HECTD4: variants seen among roughly 807,000 people sequenced by gnomAD.
The protein encoded by HECTD4 is HECT domain E3 ubiquitin protein ligase 4, also known as probable E3 ubiquitin-protein ligase HECTD4.
A neutral mutation model predicts 471.5 loss-of-function variants in HECTD4; 114 were observed. The ratio of observed to expected loss-of-function variants is 0.24; its 90% confidence interval spans 0.21 to 0.28. HECTD4 has a LOEUF of 0.28. Among genes scored for constraint, HECTD4 ranks in the 10% least tolerant of loss-of-function variants. HECTD4 has a pLI of 1.00. For missense variants in HECTD4, 3,866 were observed against 5,651.5 expected, an observed-to-expected ratio of 0.68 and a Z score of 10.13; for synonymous variants, 2,012 against 2,256.0, an observed-to-expected ratio of 0.89 and a Z score of 3.07.
In HECTD4 at chr12:112,273,711, G is replaced by A; in HGVS notation, c.1886C>T (p.Ala629Val). The change falls in exon 11 of 76, where the codon GCC becomes GTC. Residue 629 changes from alanine (A) to valine (V), a missense_variant. Around this residue, in one of 16 missense-constraint regions of HECTD4, gnomAD observed 525 missense variants for 672.6 expected, o/e 0.78. Coordinates refer to ENST00000682272, the MANE Select transcript of HECTD4 (RefSeq NM_001388303.1). ...IDQWCNPGNQ[A>V]FHYVCQRLGV... ...AAGTCTCTGGCAGACATAATGGAAG[G>A]CTTGATTCCCAGGGTTACACCACTG... 1 of 1,613,912 alleles carries A rather than the reference G, an allele frequency of 6.2e-7. No individual in the cohort carries two copies. Among genetic ancestry groups the A allele is most frequent in the Non-Finnish European group, 8.5e-7 (1 of 1,179,810 alleles).
intron 21 of HECTD4, among the ~76,000 whole-genome samples, chr12:112,255,665 T>A (rs1650235448): frequency 6.6e-6 from 1 of 152,182 alleles, no homozygotes; most frequent in South Asian, 2.1e-4. Context: ...ACGAAGCTAT[T>A]AGATAATCCT....
intron 7 of HECTD4, among the ~76,000 whole-genome samples, chr12:112,294,191 A>T (rs1300985240): frequency 6.6e-6 from 1 of 152,148 alleles, no homozygotes; most frequent in Non-Finnish European, 1.5e-5. Context: ...TGTGCTGCTG[A>T]AGTGAGCACT....
At chr12:112,318,583 A>G (rs2035530076) in intron 2 of HECTD4, among the ~76,000 whole-genome samples, 1 of 152,154 alleles carries the variant, frequency 6.6e-6, no homozygotes, top group African/African-American at 2.4e-5. Flanking sequence ...CATGTTGGCC[A>G]GGGCAGTCTA....
chr12:112,256,703 CTTG>C, intron 20 of HECTD4, 185 bp from the exon 21 acceptor site: 2 of 399,454 alleles, frequency 5.0e-6, no homozygotes, highest in South Asian at 1.2e-4. Flanking sequence ...TTTTTCTTTC[CTTG>C]TTGTCAGATA....
At chr12:112,316,992 T>TA (rs1207337708) in intron 2 of HECTD4, among the ~76,000 whole-genome samples, 1 of 152,158 alleles carries the variant, frequency 6.6e-6, no homozygotes, top group Non-Finnish European at 1.5e-5. Flanking sequence ...GGGTACACAA[T>TA]AAAAATGTGA....
chr12:112,197,864 T>C (rs1032609509), intron 55 of HECTD4, among the ~76,000 whole-genome samples: 1 of 152,236 alleles, frequency 6.6e-6, no homozygotes, highest in African/African-American at 2.4e-5. Context: ...AGCATCTATT[T>C]TGAGTCTACA....
chr12:112,313,153 T>TG lies in HECTD4; in HGVS notation c.786-7dup, dbSNP rs1566108127. 1 of 1,531,738 alleles carries TG rather than the reference T, an allele frequency of 6.5e-7. No homozygotes were observed. Among genetic ancestry groups the TG allele is most frequent in the South Asian group, 1.2e-5 (1 of 83,642 alleles). The allele number at this position is 1,531,738 out of a possible 1,614,324, so 94.9% of individuals were successfully genotyped here. A position where few individuals can be genotyped will look rare whatever the true frequency, so the allele number is the denominator to read the frequency against. ...CCCCTTCCAAAAGCAACAGCCTATA[T>TG]GGGGGAGAAAGAAAATCACAAAGAC... On this transcript the variant is annotated splice_polypyrimidine_tract_variant and splice_region_variant and intron_variant, in intron 3 of 75. Transcript: ENST00000682272.
intron 1 of HECTD4, among the ~76,000 whole-genome samples, chr12:112,330,258 C>A (rs578080967): frequency 2.1e-5 from 3 of 145,426 alleles, no homozygotes; most frequent in Non-Finnish European, 3.0e-5. Flanking sequence ...GCCTGGGCAA[C>A]AGAGTGATAC....
At chr12:112,317,115 C>G (rs1449449350) in intron 2 of HECTD4, among the ~76,000 whole-genome samples, 2 of 152,184 alleles carry the variant, frequency 1.3e-5, no homozygotes, top group Non-Finnish European at 2.9e-5. Context: ...CACATTTTCT[C>G]AAATGGAATT....
Position 112,250,232 on chromosome 12 carries a change from G to A in HECTD4, c.3862C>T (p.Leu1288=), listed in dbSNP as rs1428750541. The stretch of plus-strand genomic sequence containing the variant: ...CCTGGAGGCAGTCTGATCCGAGGCA[G>A]ATCAAAGTAGTTTCCAACAGGAGGC... ...LVPPVGNYFD[L]PRIRLPPGIM... The change falls in exon 25 of 76, where the codon CTG becomes TTG. Residue 1288 remains leucine (L), a synonymous_variant. Transcript: ENST00000682272. The A allele has an allele frequency of 2.5e-6, 4 of 1,613,886 alleles. No homozygotes were observed. In the African/African-American group the frequency reaches 5.3e-5, roughly 22 times the overall value.
In HECTD4 at chr12:112,235,478, T is replaced by A. The variant is rs367800320; in HGVS notation, c.5725+26A>T. ...GCACAGGAATGCTGCACTGCCATGC[T>A]ACTCTCCTGTTGAGGAGCTTCTCAC... On this transcript the variant is annotated intron_variant, in intron 36 of 75. Coordinates refer to ENST00000682272, the MANE Select transcript of HECTD4 (RefSeq NM_001388303.1). The surrounding 1 kb of genome is among the most constrained non-coding windows in gnomAD (Gnocchi z 5.0). 130 of 1,584,162 alleles carry A rather than the reference T, an allele frequency of 8.2e-5. 1 individual carries two copies. Among genetic ancestry groups the A allele is most frequent in the Non-Finnish European group, 1.1e-4 (123 of 1,164,882 alleles).
At position 112,169,752 on chromosome 12, in the gene HECTD4, T is replaced by G. The variant is rs764180260; in HGVS notation, c.12053-94A>C. Reference sequence around the variant, plus strand: ...ACCCTGGGCCTAGCAGGCCTGTGCCTGTCCCTGGACCCCTGCTCCCTCGCT... The same window carrying G: ...ACCCTGGGCCTAGCAGGCCTGTGCCGGTCCCTGGACCCCTGCTCCCTCGCT... On this transcript the variant is annotated intron_variant, in intron 69 of 75. Coordinates refer to ENST00000682272, the MANE Select transcript of HECTD4 (RefSeq NM_001388303.1). 10 of 1,459,288 alleles carry G rather than the reference T, an allele frequency of 6.9e-6. No individual in the cohort carries two copies. In the African/African-American group the frequency reaches 1.4e-4, roughly 20 times the overall value. The allele number at this position is 1,459,288 out of a possible 1,614,324, so 90.4% of individuals were successfully genotyped here.
chr12:112,297,526 G>A (rs576616181), intron 7 of HECTD4, among the ~76,000 whole-genome samples: 1 of 152,098 alleles, frequency 6.6e-6, no homozygotes, highest in Admixed American at 6.5e-5. Context: ...AGTATTTGCT[G>A]ACTAGATATG....
chr12:112,229,572 A>G, intron 41 of HECTD4, 126 bp downstream of exon 41: 2 of 896,564 alleles, frequency 2.2e-6, no homozygotes, highest in Non-Finnish European at 3.5e-6. Context: ...TTCCTTATTT[A>G]GCTTGAAGAA....
intron 1 of HECTD4, among the ~76,000 whole-genome samples, chr12:112,367,870 G>A (rs4767730): frequency 1.8e-5 from 2 of 112,938 alleles, no homozygotes; most frequent in Non-Finnish European, 3.5e-5. Context: ...CATAGAGATA[G>A]AAGGTCCAGA....
chr12:112,334,858 C>T (rs1017658169), intron 1 of HECTD4, among the ~76,000 whole-genome samples: 2 of 149,308 alleles, frequency 1.3e-5, no homozygotes, highest in African/African-American at 2.5e-5. Context: ...AAATAATACA[C>T]GTTGGCATGG....
intron 1 of HECTD4, among the ~76,000 whole-genome samples, chr12:112,361,693 G>A (rs576942573): frequency 6.6e-6 from 1 of 152,232 alleles, no homozygotes; most frequent in East Asian, 1.9e-4. Context: ...TTAACCACTA[G>A]GCTCACTCTG....
chr12:112,302,599 G>GCCT (rs1379638133), intron 7 of HECTD4: 2 of 655,916 alleles, frequency 3.0e-6, no homozygotes, highest in African/African-American at 3.6e-5. Context: ...CACTTTCTTG[G>GCCT]CCTCCTGCTT....
chr12:112,186,306 CTTTT>C (rs34138419), intron 60 of HECTD4, among the ~76,000 whole-genome samples: 3 of 89,872 alleles, frequency 3.3e-5, no homozygotes, highest in Admixed American at 1.0e-4. Flanking sequence ...CTGGCATATT[CTTTT>C]TTTTTTTTTT....
Sources: allele counts gnomAD v4.1 joint callset (sites outside exome capture counted in the v4.1 genomes callset), GRCh38; gene constraint gnomAD v4.1.1; regional missense constraint gnomAD v4.1.1; non-coding constraint Gnocchi (gnomAD v3.1); transcripts MANE v1.5; gene names NCBI Gene and HGNC (gene_info 2026-07-23, HGNC 2026-07-21).